GNB1L: variants seen among roughly 807,000 people sequenced by gnomAD.
GNB1L encodes the protein G protein subunit beta 1 like, also known as guanine nucleotide-binding protein subunit beta-like protein 1.
GNB1L carries 20 observed loss-of-function variants against 29.1 expected under a neutral mutation model. The ratio of observed to expected loss-of-function variants is 0.69; its 90% confidence interval spans 0.48 to 1.00. The LOEUF (loss-of-function observed/expected upper bound fraction) is 1.00, where lower values mean the gene tolerates loss of function less well. Ranked by LOEUF, GNB1L falls within the 50% of genes least tolerant of loss-of-function variation. The probability of loss-of-function intolerance (pLI) is 0.00; values close to 1 mark genes in which losing one functional copy is unlikely to be tolerated. For missense variants in GNB1L, 421 were observed against 464.9 expected (o/e 0.91, Z 0.87); for synonymous variants, 193 against 206.5 (o/e 0.93, Z 0.56).
chr22:19,821,230 T>C lies in GNB1L; in HGVS notation c.126A>G (p.Ser42=). 1 of 1,608,964 alleles carries C rather than the reference T, an allele frequency of 6.2e-7. No individual in the cohort carries two copies. The highest frequency in any genetic ancestry group is 8.5e-7 in the Non-Finnish European group (1 of 1,177,158). Reference sequence around the variant, plus strand: ...GGGCTGGGGCCACAGCTACTCACCCTGAGAAGAGGAGCGGGCGCCCCTGAG... The same window carrying C: ...GGGCTGGGGCCACAGCTACTCACCCCGAGAAGAGGAGCGGGCGCCCCTGAG... The part of the protein sequence containing the change: ...AQAQGRPLLF[S]GSQSGLVHIW... Residue 42 remains serine, a splice_region_variant and synonymous_variant, in exon 3 of 8, where the codon TCA becomes TCG. Transcript: ENST00000329517.
intron 4 of GNB1L, among the ~76,000 whole-genome samples, chr22:19,817,767 G>A (rs1391420357): frequency 1.3e-5 from 2 of 152,206 alleles, no homozygotes; most frequent in East Asian, 1.9e-4. Context: ...TCAGAGGCTC[G>A]GGGGCCCTGC....
intron 2 of GNB1L, among the ~76,000 whole-genome samples, chr22:19,826,895 G>A (rs1199307482): frequency 6.6e-6 from 1 of 152,202 alleles, no homozygotes; most frequent in African/African-American, 2.4e-5. Context: ...CAGGTTACGA[G>A]ACACTGGGCA....
rs1270171564 is a variant in GNB1L at position 19,787,452 on chromosome 22, T to G, written c.*1257A>C. 3.9e-5 allele frequency: 6 copies of G among 152,586 alleles called. No individual in the cohort carries two copies. The highest frequency in any genetic ancestry group is 1.4e-4 in the African/African-American group (6 of 41,460). 9.5% of individuals were successfully genotyped at this position (152,586 alleles called of 1,614,324 possible). A position where few individuals can be genotyped will look rare whatever the true frequency, so the allele number is the denominator to read the frequency against. ...CCACCTGGATCCCACACCCTTCCGA[T>G]CCGTCCCACACATGTTCAGATTTCT... is the stretch of plus-strand genomic sequence containing the variant. On this transcript the variant is annotated 3_prime_UTR_variant, in exon 8 of 8. Coordinates refer to ENST00000329517, the MANE Select transcript of GNB1L (RefSeq NM_053004.3).
chr22:19,801,959 T>C (rs750126240), intron 7 of GNB1L, 42 bp downstream of exon 7: 53 of 1,444,548 alleles, frequency 3.7e-5, no homozygotes, highest in Non-Finnish European at 4.7e-5. Flanking sequence ...AGACTGTTAG[T>C]GCAGAGCAGG....
intron 2 of GNB1L, among the ~76,000 whole-genome samples, chr22:19,839,721 T>C (rs11914155): frequency 1.3e-5 from 2 of 151,596 alleles, no homozygotes; most frequent in Non-Finnish European, 2.9e-5. Flanking sequence ...TCTACTAAAA[T>C]TACAAAAATT....
At chr22:19,799,211 G>C (rs1937340420) in intron 7 of GNB1L, among the ~76,000 whole-genome samples, 1 of 152,222 alleles carries the variant, frequency 6.6e-6, no homozygotes, top group African/African-American at 2.4e-5. Context: ...AATATGGCTG[G>C]CTGTAAATCA....
At chr22:19,804,155 G>A (rs903594689) in intron 6 of GNB1L, among the ~76,000 whole-genome samples, 7 of 152,266 alleles carry the variant, frequency 4.6e-5, no homozygotes, top group African/African-American at 7.2e-5. Flanking sequence ...ACCACAGGCC[G>A]GGCAGTCCTC....
At chr22:19,810,700 C>T (rs1202239255) in intron 5 of GNB1L, among the ~76,000 whole-genome samples, 5 of 152,132 alleles carry the variant, frequency 3.3e-5, no homozygotes, top group African/African-American at 9.7e-5. Context: ...CCCAGCCGGC[C>T]GAGTGGGGTG....
At chr22:19,826,377 A>G (rs538550197) in intron 2 of GNB1L, among the ~76,000 whole-genome samples, 1 of 152,362 alleles carries the variant, frequency 6.6e-6, no homozygotes, top group South Asian at 2.1e-4. Context: ...TCACTTTAGA[A>G]TAAGTCCTAA....
At chr22:19,849,835 C>G in intron 2 of GNB1L, 3 of 985,436 alleles carry the variant, frequency 3.0e-6, no homozygotes, top group Non-Finnish European at 3.6e-6. Flanking sequence ...TGTCCAAGCA[C>G]CAGAGTGGGC....
At chr22:19,797,578 G>A (rs1337697324) in intron 7 of GNB1L, among the ~76,000 whole-genome samples, 1 of 152,186 alleles carries the variant, frequency 6.6e-6, no homozygotes, top group Non-Finnish European at 1.5e-5. Context: ...CGCCTGGCGA[G>A]GAGATGCCAC....
chr22:19,846,839 C>T (rs552587522), intron 2 of GNB1L: 1 of 843,738 alleles, frequency 1.2e-6, no homozygotes, highest in South Asian at 5.4e-5. Context: ...AGGCTTCTAG[C>T]TCCAGAATCA....
intron 6 of GNB1L, among the ~76,000 whole-genome samples, chr22:19,805,777 A>G (rs112766140): frequency 0.04 from 6,079 of 151,502 alleles, 383 homozygotes; most frequent in African/African-American, 0.13. Flanking sequence ...GCGAGACTCC[A>G]TCACAAAAAA....
chr22:19,848,766 A>AAAAGCCCC, intron 2 of GNB1L: 4 of 985,518 alleles, frequency 4.1e-6, no homozygotes, highest in Non-Finnish European at 4.8e-6. Context: ...CCAAGGGCAC[A>AAAAGCCCC]AAAGCCCCAA....
intron 2 of GNB1L, chr22:19,848,577 G>A: frequency 2.0e-6 from 2 of 985,486 alleles, no homozygotes; most frequent in Non-Finnish European, 2.4e-6. Context: ...ACCACTTCAA[G>A]GCCCTACCTT....
chr22:19,812,166 G>T, intron 5 of GNB1L, 119 bp downstream of exon 5: 1 of 1,076,050 alleles, frequency 9.3e-7, no homozygotes, highest in Non-Finnish European at 1.3e-6. Flanking sequence ...TGCTGAAGCT[G>T]CCGGCAGGTG....
chr22:19,815,639 G>GCCTCCCACAGCTCAC (rs1475508435), intron 4 of GNB1L, among the ~76,000 whole-genome samples: 1 of 152,160 alleles, frequency 6.6e-6, no homozygotes, highest in Admixed American at 6.5e-5. Context: ...GTGGAGTGCA[G>GCCTCCCACAGCTCAC]TGGGGTGATC....
rs150792833 is a variant in GNB1L, at chr22:19,788,266, C to T, written c.*443G>A. On this transcript the variant is annotated 3_prime_UTR_variant, in exon 8 of 8. Coordinates refer to ENST00000329517, the MANE Select transcript of GNB1L (RefSeq NM_053004.3). Reference sequence around the variant, plus strand: ...GTTGGGGCCTATCATCTCCTGAGGCCTGGCCCAGGAAACCCACACTCGGGG... The same window carrying T: ...GTTGGGGCCTATCATCTCCTGAGGCTTGGCCCAGGAAACCCACACTCGGGG... The T allele has an allele frequency of 2.2e-6, 1 of 449,824 alleles. No homozygotes were observed. The highest frequency in any genetic ancestry group is 2.0e-5 in the African/African-American group (1 of 50,830). The allele number at this position is 449,824 out of a possible 1,614,324, so 27.9% of individuals were successfully genotyped here.
At position 19,820,717 on chromosome 22, in the gene GNB1L, C is replaced by G. The variant is rs1452700148; in HGVS notation, c.135G>C (p.Gln45His). The change falls in exon 4 of 8, where the codon CAG becomes CAC. Residue 45 changes from glutamine to histidine, a missense_variant. Gln to His is a conservative substitution (Grantham distance 24). Transcript: ENST00000329517. ...GGCTCCAGATGTGTACCAGGCCACTCTGAGACCTGTTTCAGACAAGCCGAG... is the reference window on the plus strand; with the variant it reads ...GGCTCCAGATGTGTACCAGGCCACTGTGAGACCTGTTTCAGACAAGCCGAG... ...QGRPLLFSGS[Q>H]SGLVHIWSLQ... 1 of 1,610,890 alleles carries G rather than the reference C, an allele frequency of 6.2e-7. No homozygotes were observed. The highest frequency in any genetic ancestry group is 1.1e-5 in the South Asian group (1 of 90,990).
Sources: gnomAD v4.1 joint callset for allele counts (sites outside exome capture counted in the v4.1 genomes callset) on GRCh38, gnomAD v4.1.1 for gene constraint, MANE v1.5 for transcripts, NCBI Gene and HGNC (gene_info 2026-07-23, HGNC 2026-07-21) for gene names.